MSI2: variants seen among roughly 807,000 people sequenced by gnomAD.
The protein encoded by MSI2 is musashi RNA binding protein 2.
In MSI2, 17 loss-of-function variants were observed where a neutral mutation model predicts 45.6. The ratio of observed to expected loss-of-function variants is 0.37; its 90% CI spans 0.26 to 0.56. The LOEUF (loss-of-function observed/expected upper bound fraction) is 0.56, where lower values mean the gene tolerates loss of function less well. MSI2 is among the 20% of genes least tolerant of loss of function. The pLI is 0.77. For synonymous variants in MSI2, 156 were observed against 158.2 expected, an observed-to-expected ratio of 0.99 and a Z score of 0.11; for missense variants, 293 against 444.2, an observed-to-expected ratio of 0.66 and a Z score of 3.06.
intron 9 of MSI2, among the ~76,000 whole-genome samples, chr17:57,625,342 A>G (rs992318159): frequency 5.9e-5 from 9 of 152,334 alleles, no homozygotes; most frequent in African/African-American, 1.9e-4. Flanking sequence ...TACAACACCA[A>G]CATCCACCAG....
intron 8 of MSI2, among the ~76,000 whole-genome samples, chr17:57,610,481 C>T (rs151055662): frequency 0.018 from 521 of 29,150 alleles, 155 homozygotes; most frequent in African/African-American, 0.039. Context: ...ATATAGAGGG[C>T]TCAGGAGTGT....
At chr17:57,378,554 G>A (rs1315096566) in intron 5 of MSI2, among the ~76,000 whole-genome samples, 1 of 152,110 alleles carries the variant, frequency 6.6e-6, no homozygotes, top group Non-Finnish European at 1.5e-5. Flanking sequence ...TAGCCACTGT[G>A]CCCGGCCAAT....
intron 5 of MSI2, among the ~76,000 whole-genome samples, chr17:57,269,542 A>G (rs2143263230): frequency 6.6e-6 from 1 of 152,206 alleles, no homozygotes; most frequent in South Asian, 2.1e-4. Flanking sequence ...AGCAGATGCC[A>G]CCTCTACCTT....
chr17:57,574,899 C>T (rs1395946818), intron 7 of MSI2, among the ~76,000 whole-genome samples: 2 of 147,806 alleles, frequency 1.4e-5, no homozygotes, highest in Admixed American at 6.9e-5. Context: ...GGCACGATCT[C>T]AGCTCACTGC....
chr17:57,654,259 T>C lies in MSI2; in HGVS notation c.790+2098T>C, dbSNP rs12600761. Among the ~76,000 whole-genome samples, 833 of 152,316 alleles carry C rather than the reference T, an allele frequency of 5.5e-3. 18 individuals carry two copies. Among genetic ancestry groups the C allele is most frequent in the Admixed American group, 0.036 (548 of 15,304 alleles). ...GGCAATGACTAGACTGTATCCACCA[T>C]AGTGAGAGCGCTGCCTAGGCAGGAA... On this transcript the variant is annotated intron_variant, in intron 11 of 13. Coordinates refer to ENST00000284073, the MANE Select transcript of MSI2 (RefSeq NM_138962.4).
chr17:57,439,461 C>G (rs1567823937), intron 6 of MSI2, among the ~76,000 whole-genome samples: 1 of 152,102 alleles, frequency 6.6e-6, no homozygotes, highest in Non-Finnish European at 1.5e-5. Flanking sequence ...AAGCCTTCAT[C>G]AACATCCCAC....
At chr17:57,422,745 G>A (rs193057043) in intron 6 of MSI2, among the ~76,000 whole-genome samples, 36 of 152,330 alleles carry the variant, frequency 2.4e-4, no homozygotes, top group Non-Finnish European at 4.1e-4. Flanking sequence ...TCAGTACAGC[G>A]TAAATCACCA....
chr17:57,515,500 T>A (rs1170195017), intron 6 of MSI2, among the ~76,000 whole-genome samples: 1 of 152,178 alleles, frequency 6.6e-6, no homozygotes, highest in African/African-American at 2.4e-5. Flanking sequence ...CCACTGCACC[T>A]GGCCTTATCT....
intron 9 of MSI2, 167 bp downstream of exon 9, chr17:57,616,251 G>C (rs11079313): frequency 0.17 from 101,214 of 584,910 alleles, 10,660 homozygotes; most frequent in East Asian, 0.38. Flanking sequence ...CAGTTGTGAT[G>C]ATTAAGTGTG....
intron 6 of MSI2, among the ~76,000 whole-genome samples, chr17:57,485,265 C>A (rs1481892305): frequency 6.6e-6 from 1 of 152,202 alleles, no homozygotes; most frequent in African/African-American, 2.4e-5. Flanking sequence ...AGTTTCACAG[C>A]GAGGAACAGG....
chr17:57,274,564 C>G (rs1046699666), intron 5 of MSI2: 1 of 152,164 alleles, frequency 6.6e-6, no homozygotes, highest in East Asian at 1.9e-4. Context: ...GTAAGTGCTC[C>G]GTGCCTGCCT....
the MSI2 span, among the ~76,000 whole-genome samples, chr17:57,699,468 G>A: frequency 6.6e-6 from 1 of 151,908 alleles, no homozygotes; most frequent in Non-Finnish European, 1.5e-5. Flanking sequence ...ATTATTTTCT[G>A]AATGTCTTGC....
At chr17:57,425,025 T>C (rs1377115239) in intron 6 of MSI2, among the ~76,000 whole-genome samples, 2 of 151,940 alleles carry the variant, frequency 1.3e-5, no homozygotes, top group Admixed American at 1.3e-4. Context: ...CTGCAGGAGG[T>C]GGGGCAGGAC....
chr17:57,689,313 T>C (rs1192869346), downstream of MSI2, among the ~76,000 whole-genome samples: 1 of 152,152 alleles, frequency 6.6e-6, no homozygotes, highest in Non-Finnish European at 1.5e-5. Flanking sequence ...AATAATAAAA[T>C]ATGAACTGAG....
At chr17:57,688,171 C>T (rs1913919310), downstream of MSI2, among the ~76,000 whole-genome samples, 2 of 152,014 alleles carry the variant, frequency 1.3e-5, no homozygotes, top group African/African-American at 2.4e-5. Flanking sequence ...CTATTATTAC[C>T]TTAAACCTTC....
At chr17:57,509,328 T>C (rs1156626782) in intron 6 of MSI2, among the ~76,000 whole-genome samples, 1 of 152,294 alleles carries the variant, frequency 6.6e-6, no homozygotes, top group African/African-American at 2.4e-5. Context: ...GAAGAATTTA[T>C]CCAGGGAGAA....
Position 57,350,225 on chromosome 17 carries a change from G to GGT in MSI2, c.313-51125_313-51124dup, listed in dbSNP as rs58596259. ...TATTGTTAACAGTGCCAGAGGTAGG[G>GGT]GTGTGTGTGTGTGTGTGTGTGTGTG... On this transcript the variant is annotated intron_variant, in intron 5 of 13. Transcript: ENST00000284073. Among the ~76,000 whole-genome samples the GGT allele has an allele frequency of 9.2e-3, 1,349 of 146,732 alleles. 4 individuals carry two copies. The highest frequency in any genetic ancestry group is 0.031 in the Middle Eastern group (9 of 290).
At chr17:57,333,831 A>G (rs761382754) in intron 5 of MSI2, among the ~76,000 whole-genome samples, 4 of 152,088 alleles carry the variant, frequency 2.6e-5, no homozygotes, top group Admixed American at 6.5e-5. Flanking sequence ...TAGGATCTGC[A>G]TACTTTTTTT....
At chr17:57,382,811 C>T (rs753677335) in intron 5 of MSI2, among the ~76,000 whole-genome samples, 1 of 152,176 alleles carries the variant, frequency 6.6e-6, no homozygotes, top group Non-Finnish European at 1.5e-5. Context: ...AAATGTCTTA[C>T]GATGAAATTT....
Sources: allele counts gnomAD v4.1 joint callset (sites outside exome capture counted in the v4.1 genomes callset), GRCh38; gene constraint gnomAD v4.1.1; transcripts MANE v1.5; gene names NCBI Gene and HGNC (gene_info 2026-07-23, HGNC 2026-07-21).